The following NRDE2 variants were observed in gnomAD, a reference collection of about 807,000 sequenced individuals.
NRDE2 encodes nuclear exosome regulator NRDE2.
A neutral mutation model predicts 124.2 loss-of-function variants in NRDE2; 76 were observed. The ratio of observed to expected loss-of-function variants is 0.61; its 90% CI spans 0.51 to 0.74. The LOEUF (loss-of-function observed/expected upper bound fraction) is 0.74, where lower values mean the gene tolerates loss of function less well. Ranked by LOEUF, NRDE2 falls within the 30% of genes least tolerant of loss-of-function variation. The pLI is 0.00. For synonymous variants in NRDE2, 489 were observed against 528.1 expected (o/e 0.93, Z 1.01); for missense variants, 1,314 against 1,417.3 (o/e 0.93, Z 1.17).
intron 8 of NRDE2, among the ~76,000 whole-genome samples, chr14:90,296,401 C>T (rs1370947070): frequency 6.6e-6 from 1 of 152,066 alleles, no homozygotes; most frequent in African/African-American, 2.4e-5. Flanking sequence ...AAAGAACACT[C>T]CAGGGAAATC....
At chr14:90,317,727 T>TACTA (rs1182114655) in intron 2 of NRDE2, 1 of 290,116 alleles carries the variant, frequency 3.4e-6, no homozygotes, top group Non-Finnish European at 6.3e-6. Flanking sequence ...TTCTAAAGGT[T>TACTA]ACTAATGAGG....
intron 8 of NRDE2, among the ~76,000 whole-genome samples, chr14:90,297,494 G>T (rs1014247908): frequency 6.6e-6 from 1 of 152,122 alleles, no homozygotes; most frequent in African/African-American, 2.4e-5. Flanking sequence ...TATAAATCTG[G>T]AAAGTATTTG....
At chr14:90,326,936 A>G (rs1296998105) in intron 1 of NRDE2, among the ~76,000 whole-genome samples, 1 of 152,214 alleles carries the variant, frequency 6.6e-6, no homozygotes, top group South Asian at 2.1e-4. Context: ...TATTTTGAAC[A>G]AATAAAGAAA....
rs1194654309 is a variant in NRDE2, at chr14:90,270,414, A to C, written c.*7922T>G. On this transcript the variant is annotated 3_prime_UTR_variant, in exon 14 of 14. Coordinates refer to ENST00000354366, the MANE Select transcript of NRDE2 (RefSeq NM_017970.4). Reference sequence around the variant, plus strand: ...GTGGCCGTCAATCAGGAAAGAGTCTATATGTGCTCTTGGGATGGTGGTTGG... The same window carrying C: ...GTGGCCGTCAATCAGGAAAGAGTCTCTATGTGCTCTTGGGATGGTGGTTGG... 1.9e-6 allele frequency: 3 copies of C among 1,542,834 alleles called. No individual in the cohort carries two copies. The highest frequency in any genetic ancestry group is 1.2e-5 in the South Asian group (1 of 84,058).
chr14:90,317,980 AAC>A, intron 2 of NRDE2, 23 bp downstream of exon 2: 1 of 1,588,124 alleles, frequency 6.3e-7, no homozygotes. Flanking sequence ...CAAAAACGAA[AAC>A]ACATCTGTCA....
Position 90,303,008 on chromosome 14 carries a change from C to A in NRDE2, c.1123G>T (p.Glu375Ter). The change falls in exon 6 of 14, where the codon GAG becomes TAG. Residue 375 changes from glutamate (E) to a stop codon, truncating the protein, a stop_gained. Transcript: ENST00000354366. LOFTEE classifies it high-confidence loss of function. The part of the protein sequence containing the change: ...KKLAILERAI[E>*]SNQSSVDLKL... ...AGATCCACACTGCTCTGGTTGCTCT[C>A]AATGGCCCGCTCCAGAATGGCCAGC... 6.2e-7 allele frequency: 1 copy of A among 1,614,046 alleles called. No individual in the cohort carries two copies. The highest frequency in any genetic ancestry group is 8.5e-7 in the Non-Finnish European group (1 of 1,180,042).
chr14:90,317,009 C>T (rs915496129), intron 2 of NRDE2, among the ~76,000 whole-genome samples, 198 bp from the exon 3 acceptor site: 1 of 152,206 alleles, frequency 6.6e-6, no homozygotes, highest in African/African-American at 2.4e-5. Context: ...AAAATAATAA[C>T]AGGTGAAGAA....
rs1390116194 is a variant in NRDE2 at position 90,298,269 on chromosome 14, T to C, written c.1657A>G (p.Ile553Val). 6.2e-7 allele frequency: 1 copy of C among 1,613,502 alleles called. No individual in the cohort carries two copies. Among genetic ancestry groups the C allele is most frequent in the African/African-American group, 1.3e-5 (1 of 74,938 alleles). Residue 553 changes from isoleucine (I) to valine (V), a missense_variant, in exon 8 of 14, where the codon ATC becomes GTC. By Grantham distance (29) the Ile-to-Val change is conservative (BLOSUM62 3). Transcript: ENST00000354366. ...HQQERGGWVV[I>V]NPDEDDDEPE... ...ATGAGAGGTGACTTACCTGGGTTGA[T>C]GACCACCCAGCCACCTCGTTCCTGC...
At chr14:90,284,024 T>G (rs1198689106) in intron 12 of NRDE2, among the ~76,000 whole-genome samples, 14 of 152,114 alleles carry the variant, frequency 9.2e-5, no homozygotes, top group Admixed American at 9.2e-4. Context: ...GTAATTCATT[T>G]TTGATGCCAA....
intron 12 of NRDE2, 142 bp from the exon 13 acceptor site, chr14:90,279,275 T>A: frequency 1.5e-6 from 1 of 670,598 alleles, no homozygotes; most frequent in Non-Finnish European, 2.6e-6. Flanking sequence ...TCACGGTGGC[T>A]GTGGGACAGG....
chr14:90,294,265 T>A lies in NRDE2; in HGVS notation c.1667-1393A>T, dbSNP rs1454774787. 2.0e-5 allele frequency among the ~76,000 whole-genome samples: 3 copies of A among 151,670 alleles called. No homozygotes were observed. The East Asian group carries it at 5.8e-4, about 29-fold the overall frequency. ...AAGCCTGGTGCCCTGCTGGTGGGAATGTAAAATGGTGCAGCTGCCGTCTGC... is the reference window on the plus strand; with the variant it reads ...AAGCCTGGTGCCCTGCTGGTGGGAAAGTAAAATGGTGCAGCTGCCGTCTGC... On this transcript the variant is annotated intron_variant, in intron 8 of 13. Coordinates refer to ENST00000354366, the MANE Select transcript of NRDE2 (RefSeq NM_017970.4).
chr14:90,272,451 A>T lies in NRDE2; in HGVS notation c.*5885T>A, dbSNP rs143801192. ...AGGAAAATGGTTGGGAGATTTCTCA[A>T]TCCCTGAAAGGGATGAGGTTGGGGG... is the stretch of plus-strand genomic sequence containing the variant. On this transcript the variant is annotated 3_prime_UTR_variant, in exon 14 of 14. Transcript: ENST00000354366. This position sits in a 1 kb window ranked among gnomAD's most constrained non-coding sequence, Gnocchi z 4.5. 1.9e-4 allele frequency: 287 copies of T among 1,495,048 alleles called. 1 individual carries two copies. In the African/African-American group the frequency reaches 3.7e-3, roughly 20 times the overall value. The allele number at this position is 1,495,048 out of a possible 1,614,324, so 92.6% of individuals were successfully genotyped here. A position where few individuals can be genotyped will look rare whatever the true frequency, so the allele number is the denominator to read the frequency against.
chr14:90,293,327 T>C (rs1052015862), intron 8 of NRDE2, among the ~76,000 whole-genome samples: 2 of 152,098 alleles, frequency 1.3e-5, no homozygotes, highest in Admixed American at 6.5e-5. Flanking sequence ...CTCTGCACAC[T>C]GCAATCTCCG....
intron 3 of NRDE2, among the ~76,000 whole-genome samples, chr14:90,315,645 T>C (rs1885016414): frequency 6.6e-6 from 1 of 152,024 alleles, no homozygotes; most frequent in African/African-American, 2.4e-5. Flanking sequence ...GTAGAATGAA[T>C]TGAACAATAT....
intron 2 of NRDE2, among the ~76,000 whole-genome samples, chr14:90,317,363 G>C (rs1034701659): frequency 2.0e-5 from 3 of 152,048 alleles, no homozygotes; most frequent in African/African-American, 4.8e-5. Context: ...ATTTAATTGT[G>C]GTCCTTGTTT....
At chr14:90,328,040 G>A (rs1167423486) in intron 1 of NRDE2, among the ~76,000 whole-genome samples, 1 of 152,102 alleles carries the variant, frequency 6.6e-6, no homozygotes, top group East Asian at 1.9e-4. Context: ...CTACTCGGGA[G>A]GCTGAGGCAG....
intron 7 of NRDE2, among the ~76,000 whole-genome samples, chr14:90,299,338 G>T (rs909281664): frequency 1.3e-5 from 2 of 151,974 alleles, no homozygotes; most frequent in Non-Finnish European, 2.9e-5. Flanking sequence ...CTAAACCACC[G>T]CGCCCAGCCT....
intron 12 of NRDE2, among the ~76,000 whole-genome samples, chr14:90,284,981 A>G (rs1278111031): frequency 1.3e-5 from 2 of 152,116 alleles, no homozygotes; most frequent in Non-Finnish European, 2.9e-5. Flanking sequence ...AAGCTGCTTT[A>G]GAAATGTCGA....
At chr14:90,303,186 C>T in intron 5 of NRDE2, 61 bp from the exon 6 acceptor site, 4 of 1,481,804 alleles carry the variant, frequency 2.7e-6, no homozygotes, top group Non-Finnish European at 3.7e-6. Flanking sequence ...TGAGTTTCAA[C>T]AATGCTTACT....
Sources: allele counts gnomAD v4.1 joint callset (sites outside exome capture counted in the v4.1 genomes callset), GRCh38; gene constraint gnomAD v4.1.1; non-coding constraint Gnocchi (gnomAD v3.1); transcripts MANE v1.5; gene names NCBI Gene and HGNC (gene_info 2026-07-23, HGNC 2026-07-21).